TMPRSS15: variants seen among roughly 807,000 people sequenced by gnomAD.
TMPRSS15 encodes transmembrane serine protease 15, also known as enteropeptidase.
In TMPRSS15, 128 loss-of-function variants were observed where a neutral mutation model predicts 125.3. The ratio of observed to expected loss-of-function variants is 1.02; its 90% CI spans 0.89 to 1.18. TMPRSS15 has a LOEUF of 1.18. TMPRSS15 is among the 50% of genes most tolerant of loss of function. The pLI is 0.00. For synonymous variants in TMPRSS15, 446 were observed against 423.2 expected, an observed-to-expected ratio of 1.05 and a Z score of -0.66; for missense variants, 1,283 against 1,212.7, an observed-to-expected ratio of 1.06 and a Z score of -0.86.
At chr21:18,342,873 T>C (rs2075462995) in intron 12 of TMPRSS15, among the ~76,000 whole-genome samples, 2 of 152,214 alleles carry the variant, frequency 1.3e-5, no homozygotes, top group South Asian at 4.1e-4. Context: ...ACTCTTGTGT[T>C]TGAAATTACC....
At chr21:18,345,571 C>A (rs1156302697) in intron 10 of TMPRSS15, among the ~76,000 whole-genome samples, 1 of 147,756 alleles carries the variant, frequency 6.8e-6, no homozygotes, top group Non-Finnish European at 1.5e-5. Context: ...GAAACCCCGT[C>A]TCTACAAAAA....
At chr21:18,292,490 A>C (rs1043392332) in intron 21 of TMPRSS15, among the ~76,000 whole-genome samples, 1 of 152,122 alleles carries the variant, frequency 6.6e-6, no homozygotes, top group Non-Finnish European at 1.5e-5. Flanking sequence ...TTCTACACAT[A>C]TTTGTTGTTT....
intron 1 of TMPRSS15, among the ~76,000 whole-genome samples, chr21:18,473,145 T>C (rs1035033232): frequency 2.0e-5 from 3 of 152,104 alleles, no homozygotes; most frequent in Non-Finnish European, 4.4e-5. Context: ...TGGAGTAGCA[T>C]AAAAATCAGA....
chr21:18,326,524 T>G lies in TMPRSS15; in HGVS notation c.1829A>C (p.Asn610Thr), dbSNP rs753862883. The change falls in exon 16 of 25, where the codon AAC becomes ACC. Residue 610 changes from asparagine (N) to threonine (T), a missense_variant. Physicochemically the swap from Asn to Thr is moderately conservative, Grantham distance 65. Transcript: ENST00000284885. ...GPVKDVFSTT[N>T]RMTVLLITND... ...AGTGATGAGAAGCACAGTCATTCTG[T>G]TGGTGGTAGAGAACACATCCTTTAC... The G allele has an allele frequency of 6.2e-7, 1 of 1,614,144 alleles. No individual in the cohort carries two copies. The highest frequency in any genetic ancestry group is 1.1e-5 in the South Asian group (1 of 91,084).
At chr21:18,467,844 A>G (rs1601473369) in intron 1 of TMPRSS15, among the ~76,000 whole-genome samples, 1 of 152,228 alleles carries the variant, frequency 6.6e-6, no homozygotes, top group South Asian at 2.1e-4. Flanking sequence ...AAGTTAGTGG[A>G]GTGAAAATAA....
chr21:18,348,627 G>T (rs987433893), intron 10 of TMPRSS15, among the ~76,000 whole-genome samples: 1 of 152,010 alleles, frequency 6.6e-6, no homozygotes, highest in Non-Finnish European at 1.5e-5. Flanking sequence ...GGAAAGATAG[G>T]AAAATAAAAA....
At chr21:18,481,291 G>A (rs1201421492) in intron 1 of TMPRSS15, among the ~76,000 whole-genome samples, 2 of 151,764 alleles carry the variant, frequency 1.3e-5, no homozygotes, top group African/African-American at 4.8e-5. Context: ...GGCTTTGACT[G>A]CCTCAATTGA....
intron 3 of TMPRSS15, among the ~76,000 whole-genome samples, chr21:18,387,437 CA>C (rs1318813721): frequency 2.0e-5 from 3 of 152,064 alleles, no homozygotes; most frequent in Non-Finnish European, 4.4e-5. Flanking sequence ...TATCTGTGCT[CA>C]AAGGGCAAAA....
At chr21:18,293,723 TTGA>T (rs1373971795) in intron 21 of TMPRSS15, among the ~76,000 whole-genome samples, 1 of 152,232 alleles carries the variant, frequency 6.6e-6, no homozygotes, top group East Asian at 1.9e-4. Flanking sequence ...TCAGATACGG[TTGA>T]TATTAGTTCT....
chr21:18,361,724 T>C (rs9977711), intron 7 of TMPRSS15, among the ~76,000 whole-genome samples: 5,127 of 151,942 alleles, frequency 0.034, 243 homozygotes, highest in African/African-American at 0.11. Context: ...TGGGGTGGAG[T>C]TCAGGGCTGA....
chr21:18,310,499 C>T (rs190443930), intron 18 of TMPRSS15, among the ~76,000 whole-genome samples: 2 of 151,664 alleles, frequency 1.3e-5, no homozygotes, highest in African/African-American at 4.8e-5. Context: ...TAAATTTAAC[C>T]AAGGAGTTGA....
At chr21:18,336,643 G>T (rs762031883) in intron 13 of TMPRSS15, among the ~76,000 whole-genome samples, 1 of 152,116 alleles carries the variant, frequency 6.6e-6, no homozygotes, top group South Asian at 2.1e-4. Flanking sequence ...GCTCAAAAAC[G>T]TAGGCTATTA....
intron 1 of TMPRSS15, among the ~76,000 whole-genome samples, chr21:18,435,095 G>T (rs770321260): frequency 6.6e-6 from 1 of 151,834 alleles, no homozygotes; most frequent in African/African-American, 2.4e-5. Flanking sequence ...TTTTACAAAA[G>T]ATAAACATTA....
At chr21:18,440,800 T>G (rs1271833105) in intron 1 of TMPRSS15, among the ~76,000 whole-genome samples, 3 of 152,214 alleles carry the variant, frequency 2.0e-5, no homozygotes, top group Non-Finnish European at 4.4e-5. Context: ...TGTAGTATCT[T>G]TTATAACATT....
chr21:18,330,672 G>T (rs1241431359), intron 14 of TMPRSS15, among the ~76,000 whole-genome samples: 1 of 152,038 alleles, frequency 6.6e-6, no homozygotes, highest in Non-Finnish European at 1.5e-5. Flanking sequence ...ATACACATTC[G>T]TCAAATAAAC....
intron 1 of TMPRSS15, among the ~76,000 whole-genome samples, chr21:18,449,672 T>C (rs1391353393): frequency 6.6e-6 from 1 of 152,116 alleles, no homozygotes; most frequent in South Asian, 2.1e-4. Flanking sequence ...AGTCAGTACC[T>C]ACCACATCTT....
intron 1 of TMPRSS15, among the ~76,000 whole-genome samples, chr21:18,468,485 G>T (rs756116281): frequency 6.6e-6 from 1 of 151,816 alleles, no homozygotes; most frequent in African/African-American, 2.4e-5. Flanking sequence ...CTAATTTCTG[G>T]TGCATAAACA....
chr21:18,472,733 C>T (rs1196808543), intron 1 of TMPRSS15, among the ~76,000 whole-genome samples: 1 of 151,570 alleles, frequency 6.6e-6, no homozygotes, highest in East Asian at 1.9e-4. Flanking sequence ...TTAAGTACAG[C>T]AAATCAGTGG....
At chr21:18,373,604 A>G (rs754364761) in intron 5 of TMPRSS15, among the ~76,000 whole-genome samples, 17 of 152,240 alleles carry the variant, frequency 1.1e-4, no homozygotes, top group Non-Finnish European at 2.1e-4. Context: ...AACCAAATAA[A>G]GCACTATACT....
Sources: gnomAD v4.1 joint callset for allele counts (sites outside exome capture counted in the v4.1 genomes callset) on GRCh38, gnomAD v4.1.1 for gene constraint, MANE v1.5 for transcripts, NCBI Gene and HGNC (gene_info 2026-07-23, HGNC 2026-07-21) for gene names.